IL1RAPL1: variants seen among roughly 807,000 people sequenced by gnomAD.
IL1RAPL1 encodes interleukin-1 receptor accessory protein-like 1.
In IL1RAPL1, 3 loss-of-function variants were observed where a neutral mutation model predicts 48.4. That is an observed-to-expected ratio of 0.06 (90% CI 0.03 to 0.16). IL1RAPL1 has a LOEUF of 0.16. IL1RAPL1 is among the 10% of genes least tolerant of loss of function. IL1RAPL1 has a pLI of 1.00. For missense variants in IL1RAPL1, 349 were observed against 530.6 expected (o/e 0.66, Z 3.36); for synonymous variants, 185 against 187.7 (o/e 0.99, Z 0.12).
intron 5 of IL1RAPL1, among the ~76,000 whole-genome samples, chrX:29,486,390 C>T (rs772529736): frequency 9.1e-6 from 1 of 109,791 alleles, no homozygotes; most frequent in African/African-American, 3.3e-5. Flanking sequence ...AGGAGAAATT[C>T]GAATCTCCCC....
intron 1 of IL1RAPL1, among the ~76,000 whole-genome samples, chrX:28,600,261 G>A (rs1934007440): frequency 2.7e-5 from 3 of 111,840 alleles, no homozygotes; most frequent in African/African-American, 9.8e-5. Flanking sequence ...ATAAGGCCTT[G>A]CTCTATGTAG....
At chrX:29,302,568 A>G (rs1847747366) in intron 3 of IL1RAPL1, among the ~76,000 whole-genome samples, 1 of 112,126 alleles carries the variant, frequency 8.9e-6, no homozygotes, top group African/African-American at 3.2e-5. Flanking sequence ...TAAAGTTCCC[A>G]TGACTTGGGT....
At chrX:29,381,615 G>T (rs12116228) in intron 3 of IL1RAPL1, among the ~76,000 whole-genome samples, 1 of 95,048 alleles carries the variant, frequency 1.1e-5, no homozygotes, top group Admixed American at 1.3e-4. Flanking sequence ...AGGAGTTCAA[G>T]AACAGTCTGG....
At chrX:29,766,342 AATATATATATAT>A (rs1555918100) in intron 6 of IL1RAPL1, among the ~76,000 whole-genome samples, 1 of 47,542 alleles carries the variant, frequency 2.1e-5, no homozygotes, top group Non-Finnish European at 3.7e-5. Flanking sequence ...AAAAAAAAAA[AATATATATATAT>A]ATATATATAG....
chrX:28,942,449 A>G (rs1924186101), intron 2 of IL1RAPL1: 1 of 109,006 alleles, frequency 9.2e-6, no homozygotes, highest in Non-Finnish European at 1.9e-5. Context: ...GTTTTAAACC[A>G]AAAAGGTAGT....
At chrX:29,291,970 C>G (rs1163435336) in intron 3 of IL1RAPL1, among the ~76,000 whole-genome samples, 1 of 111,915 alleles carries the variant, frequency 8.9e-6, no homozygotes, top group African/African-American at 3.2e-5. Context: ...ATAGACCCTC[C>G]TAGCTAAGAA....
chrX:29,535,347 A>C (rs1274260973), intron 5 of IL1RAPL1, among the ~76,000 whole-genome samples: 1 of 110,546 alleles, frequency 9.0e-6, no homozygotes, highest in African/African-American at 3.3e-5. Flanking sequence ...AAGGTTAAGG[A>C]CAATTGTTTT....
chrX:29,222,702 C>T (rs1041346231), intron 2 of IL1RAPL1, among the ~76,000 whole-genome samples: 5 of 111,512 alleles, frequency 4.5e-5, no homozygotes, highest in Admixed American at 3.8e-4. Context: ...AAATCTGATG[C>T]TGTGATAAGA....
intron 2 of IL1RAPL1, among the ~76,000 whole-genome samples, chrX:29,252,271 T>TAAA (rs1931650527): frequency 1.8e-5 from 1 of 55,318 alleles, no homozygotes; most frequent in African/African-American, 6.3e-5. Context: ...ACAATAATAG[T>TAAA]AAAAGAAAAA....
chrX:29,525,484 T>C (rs756517052), intron 5 of IL1RAPL1, among the ~76,000 whole-genome samples: 2 of 112,019 alleles, frequency 1.8e-5, no homozygotes, highest in South Asian at 7.4e-4. Flanking sequence ...GTCTGGAAAG[T>C]CATGGGAACT....
chrX:29,560,900 T>C (rs1168276154), intron 5 of IL1RAPL1, among the ~76,000 whole-genome samples: 1 of 112,202 alleles, frequency 8.9e-6, no homozygotes, highest in African/African-American at 3.2e-5. Context: ...TGAGTTGTTT[T>C]TGTTGTGTTA....
At chrX:29,125,645 T>A (rs970166327) in intron 2 of IL1RAPL1, among the ~76,000 whole-genome samples, 3 of 111,399 alleles carry the variant, frequency 2.7e-5, no homozygotes, top group African/African-American at 9.8e-5. Flanking sequence ...CATTTGCTGT[T>A]TGGAATCAAG....
intron 8 of IL1RAPL1, among the ~76,000 whole-genome samples, chrX:29,927,323 C>G (rs894777442): frequency 8.9e-6 from 1 of 112,112 alleles, no homozygotes; most frequent in Admixed American, 9.5e-5. Context: ...CTCACTGTCT[C>G]CATGAGAAAG....
At chrX:29,837,272 A>AAAAAAAATATATATAT (rs1447926305) in intron 6 of IL1RAPL1, among the ~76,000 whole-genome samples, 7 of 72,116 alleles carry the variant, frequency 9.7e-5, no homozygotes, top group African/African-American at 3.5e-4. Context: ...AAAAAAAAAA[A>AAAAAAAATATATATAT]ATATATATAT....
At chrX:29,727,030 G>T (rs1483977626) in intron 6 of IL1RAPL1, among the ~76,000 whole-genome samples, 2 of 111,483 alleles carry the variant, frequency 1.8e-5, no homozygotes, top group African/African-American at 6.5e-5. Flanking sequence ...TTGCAGTGCT[G>T]TGCTATTCAG....
chrX:29,233,928 C>T (rs1475557776), intron 2 of IL1RAPL1, among the ~76,000 whole-genome samples: 3 of 112,069 alleles, frequency 2.7e-5, no homozygotes, highest in Non-Finnish European at 5.6e-5. Flanking sequence ...CATGAGAGGG[C>T]CATGTGGCCA....
chrX:28,776,454 G>T (rs899654818), intron 1 of IL1RAPL1, among the ~76,000 whole-genome samples: 1 of 111,904 alleles, frequency 8.9e-6, no homozygotes, highest in African/African-American at 3.2e-5. Flanking sequence ...TGAGCTGAGT[G>T]ACTATAGCCA....
intron 5 of IL1RAPL1, among the ~76,000 whole-genome samples, chrX:29,406,262 G>A (rs112170191): frequency 0.083 from 9,076 of 109,746 alleles, 513 homozygotes; most frequent in African/African-American, 0.2. Context: ...GGTGGTGGGC[G>A]CCTGTAGTCC....
intron 2 of IL1RAPL1, among the ~76,000 whole-genome samples, chrX:29,036,888 G>C (rs1345309674): frequency 9.0e-6 from 1 of 111,635 alleles, no homozygotes; most frequent in Non-Finnish European, 1.9e-5. Context: ...TTTGAACCTA[G>C]AACCCTTTTT....
Sources: gnomAD v4.1 joint callset for allele counts (sites outside exome capture counted in the v4.1 genomes callset) on GRCh38, gnomAD v4.1.1 for gene constraint, MANE v1.5 for transcripts, NCBI Gene and HGNC (gene_info 2026-07-23, HGNC 2026-07-21) for gene names.